The following ABCA4 variants were observed in gnomAD, a reference collection of about 807,000 sequenced individuals.
The protein encoded by ABCA4 is ATP binding cassette subfamily A member 4.
In ABCA4, 196 loss-of-function variants were observed where a neutral mutation model predicts 263.7. The observed-to-expected ratio is 0.74, with a 90% CI of 0.66 to 0.84. The LOEUF (loss-of-function observed/expected upper bound fraction) is 0.84. Ranked by LOEUF, ABCA4 falls within the 40% of genes least tolerant of loss-of-function variation. The pLI, the probability that ABCA4 is intolerant of heterozygous loss-of-function variation, is 0.00. For missense variants in ABCA4, 2,792 were observed against 2,855.1 expected (o/e 0.98, Z 0.50); for synonymous variants, 1,133 against 1,094.2 (o/e 1.04, Z -0.70).
At chr1:94,087,321 T>G (rs1260468130) in intron 6 of ABCA4, among the ~76,000 whole-genome samples, 1 of 152,212 alleles carries the variant, frequency 6.6e-6, no homozygotes, top group Non-Finnish European at 1.5e-5. Context: ...CCCATTCCAT[T>G]AACCTTGCCT....
At chr1:94,105,175 C>T (rs1662398324) in intron 4 of ABCA4, among the ~76,000 whole-genome samples, 1 of 152,196 alleles carries the variant, frequency 6.6e-6, no homozygotes, top group African/African-American at 2.4e-5. Context: ...AGACTGACAT[C>T]CAATCAGAGT....
intron 31 of ABCA4, among the ~76,000 whole-genome samples, 162 bp downstream of exon 31, chr1:94,024,789 GCCT>G (rs1348786670): frequency 6.6e-6 from 1 of 152,128 alleles, no homozygotes; most frequent in African/African-American, 2.4e-5. Flanking sequence ...ACTTGTATGT[GCCT>G]CAATTGCTTT....
chr1:94,062,440 T>G, intron 13 of ABCA4, 137 bp downstream of exon 13: 2 of 996,752 alleles, frequency 2.0e-6, no homozygotes, highest in East Asian at 2.6e-5. Flanking sequence ...CAGAGCTCCA[T>G]GCTCTCCAAT....
intron 48 of ABCA4, 99 bp from the exon 49 acceptor site, chr1:93,996,294 T>C: frequency 1.1e-6 from 1 of 927,934 alleles, no homozygotes; most frequent in Non-Finnish European, 1.7e-6. Context: ...ACAGTTCACA[T>C]ACAGCCCTGC....
At chr1:94,083,537 C>T (rs1015273024) in intron 6 of ABCA4, 96 bp from the exon 7 acceptor site, 10 of 840,408 alleles carry the variant, frequency 1.2e-5, no homozygotes, top group Middle Eastern at 2.7e-4. Flanking sequence ...TTTGAAAACT[C>T]CCCCCCTCCT....
At chr1:94,104,633 C>G (rs3789427) in intron 4 of ABCA4, among the ~76,000 whole-genome samples, 13,799 of 152,270 alleles carry the variant, frequency 0.091, 755 homozygotes, top group East Asian at 0.21. Context: ...TTCGACCACA[C>G]AGTGGCACAG....
chr1:94,080,363 C>T, intron 8 of ABCA4, 115 bp downstream of exon 8: 1 of 1,435,538 alleles, frequency 7.0e-7, no homozygotes, highest in Non-Finnish European at 9.8e-7. Flanking sequence ...TTACCTAAGG[C>T]CACTCAGCAA....
At position 94,029,543 on chromosome 1, in the gene ABCA4, G is replaced by T. The variant is rs753120354; in HGVS notation, c.4441C>A (p.Gln1481Lys). The T allele has an allele frequency of 2.5e-6, 4 of 1,613,146 alleles. No individual in the cohort carries two copies. The highest frequency in any genetic ancestry group is 3.4e-6 in the Non-Finnish European group (4 of 1,179,624). Residue 1481 changes from glutamine (Q) to lysine (K), a missense_variant, in exon 30 of 50, where the codon CAG becomes AAG. By Grantham distance (53) the Gln-to-Lys change is moderately conservative. Transcript: ENST00000370225. ...CTGCAGGATGGTGAAGGGTTGACCT[G>T]TGTCCATTTCTGCTTCTGGAACAGC... ...TQLFQKQKWT[Q>K]VNPSPSCRCS...
intron 6 of ABCA4, among the ~76,000 whole-genome samples, chr1:94,098,514 A>G (rs763995199): frequency 6.6e-6 from 1 of 151,890 alleles, no homozygotes; most frequent in Non-Finnish European, 1.5e-5. Context: ...TTCCTTTACC[A>G]CTCTGTTAGA....
At chr1:94,120,708 G>A (rs1045752713) in intron 1 of ABCA4, among the ~76,000 whole-genome samples, 1 of 151,466 alleles carries the variant, frequency 6.6e-6, no homozygotes, top group Non-Finnish European at 1.5e-5. Context: ...GGGGAGGGGC[G>A]GGCAGGCAAT....
At chr1:94,061,735 C>T (rs932910419) in intron 13 of ABCA4, among the ~76,000 whole-genome samples, 2 of 152,252 alleles carry the variant, frequency 1.3e-5, no homozygotes, top group African/African-American at 4.8e-5. Context: ...CTCCATTTCC[C>T]AGCTCTGCCT....
Position 94,044,713 on chromosome 1 carries a change from A to G in ABCA4, c.2950T>C (p.Ser984Pro). 6.2e-7 allele frequency: 1 copy of G among 1,614,198 alleles called. No individual in the cohort carries two copies. Among genetic ancestry groups the G allele is most frequent in the East Asian group, 2.2e-5 (1 of 44,866 alleles). The part of the protein sequence containing the change: ...SILTGLLPPT[S>P]GTVLVGGRDI... ...CTTCCCCCAACGAGCACAGTCCCAG[A>G]GGTTGGTGGCAACAGACCCGTCAGG... Residue 984 changes from serine (S) to proline (P), a missense_variant, in exon 20 of 50, where the codon TCT (serine) becomes CCT (proline). Coordinates refer to ENST00000370225, the MANE Select transcript of ABCA4 (RefSeq NM_000350.3).
At chr1:94,018,962 T>G (rs1400222812) in intron 36 of ABCA4, among the ~76,000 whole-genome samples, 1 of 149,296 alleles carries the variant, frequency 6.7e-6, no homozygotes, top group Non-Finnish European at 1.5e-5. Context: ...GTTGCCAGAT[T>G]TGGCAAATAA....
intron 1 of ABCA4, among the ~76,000 whole-genome samples, chr1:94,117,474 G>GC (rs34305112): frequency 7.4e-6 from 1 of 134,704 alleles, no homozygotes; most frequent in African/African-American, 2.6e-5. Context: ...GAGTCCTCAG[G>GC]CCCCCCCACA....
At chr1:94,111,061 ATCTG>A (rs1662586391) in intron 3 of ABCA4, among the ~76,000 whole-genome samples, 1 of 152,228 alleles carries the variant, frequency 6.6e-6, no homozygotes, top group South Asian at 2.1e-4. Flanking sequence ...AGGAAGAGAG[ATCTG>A]TCCAGGTTGA....
intron 38 of ABCA4, among the ~76,000 whole-genome samples, chr1:94,011,904 T>C (rs926751276): frequency 4.0e-5 from 5 of 124,554 alleles, no homozygotes; most frequent in Admixed American, 3.8e-4. Context: ...AAGGCATTTG[T>C]TAACACCAGG....
Position 94,036,762 on chromosome 1 carries a change from A to G in ABCA4, c.3840T>C (p.Ser1280=), listed in dbSNP as rs1423391642. 5 of 1,612,998 alleles carry G rather than the reference A, an allele frequency of 3.1e-6. No individual in the cohort carries two copies. The highest frequency in any genetic ancestry group is 3.4e-6 in the Non-Finnish European group (4 of 1,179,042). The change falls in exon 26 of 50, where the codon TCT becomes TCC. Residue 1280 remains serine (S), a synonymous_variant. Coordinates refer to ENST00000370225, the MANE Select transcript of ABCA4 (RefSeq NM_000350.3). ...EEIFLKVTED[S]DSGPLFAGGA... is the part of the protein sequence containing the mutation. ...TACCCGCAAACAGAGGTCCTGAATC[A>G]GAATCCTCCGTGACCTTCAGAAAAA...
intron 1 of ABCA4, among the ~76,000 whole-genome samples, chr1:94,113,532 T>C (rs1390799138): frequency 6.6e-6 from 1 of 152,248 alleles, no homozygotes; most frequent in Non-Finnish European, 1.5e-5. Flanking sequence ...GCAGGTGACC[T>C]GTGCAGTGTC....
rs2101003627 is a variant in ABCA4 at position 94,007,872 on chromosome 1, T to C, written c.5899-132A>G. On this transcript the variant is annotated intron_variant, in intron 42 of 49. Coordinates refer to ENST00000370225, the MANE Select transcript of ABCA4 (RefSeq NM_000350.3). ...GGCTGCCATCAGAGGCCACGAGCCA[T>C]ATGTGGCTACTAAGCACTTGAAACA... is the stretch of plus-strand genomic sequence containing the variant. 6.2e-6 allele frequency: 5 copies of C among 801,376 alleles called. No individual in the cohort carries two copies. In the South Asian group the frequency reaches 7.2e-5, roughly 12 times the overall value. The allele number at this position is 801,376 out of a possible 1,614,324, so 49.6% of individuals were successfully genotyped here. A position where few individuals can be genotyped will look rare whatever the true frequency, so the allele number is the denominator to read the frequency against.
Sources: gnomAD v4.1 joint callset for allele counts (sites outside exome capture counted in the v4.1 genomes callset) on GRCh38, gnomAD v4.1.1 for gene constraint, MANE v1.5 for transcripts, NCBI Gene and HGNC (gene_info 2026-07-23, HGNC 2026-07-21) for gene names.